ALDH7A1: variants seen among roughly 807,000 people sequenced by gnomAD.
The protein encoded by ALDH7A1 is aldehyde dehydrogenase 7 family member A1.
Under a neutral mutation model 79.9 loss-of-function variants are expected in ALDH7A1, and 63 were observed. The ratio of observed to expected loss-of-function variants is 0.79; its 90% CI spans 0.64 to 0.97. The LOEUF is 0.97. Among genes scored for constraint, ALDH7A1 ranks in the 50% least tolerant of loss-of-function variants. The probability of loss-of-function intolerance (pLI) is 0.00; values close to 1 mark genes in which losing one functional copy is unlikely to be tolerated. For synonymous variants in ALDH7A1, 240 were observed against 231.2 expected, an observed-to-expected ratio of 1.04 and a Z score of -0.34; for missense variants, 627 against 665.2, an observed-to-expected ratio of 0.94 and a Z score of 0.63.
chr5:126,583,262 C>T (rs1446314768), intron 4 of ALDH7A1, among the ~76,000 whole-genome samples: 1 of 151,956 alleles, frequency 6.6e-6, no homozygotes, highest in African/African-American at 2.4e-5. Flanking sequence ...GGGCGGATCA[C>T]CTGAGGTCAG....
At chr5:126,578,639 A>AAAAG (rs1751063222) in intron 5 of ALDH7A1, among the ~76,000 whole-genome samples, 1 of 68,698 alleles carries the variant, frequency 1.5e-5, no homozygotes, top group African/African-American at 1.4e-4. Flanking sequence ...ACCCTGTATC[A>AAAAG]AAAAAAAAAA....
chr5:126,583,072 T>C (rs1487702829), intron 4 of ALDH7A1, 98 bp from the exon 5 acceptor site: 24 of 1,414,128 alleles, frequency 1.7e-5, no homozygotes, highest in Non-Finnish European at 2.3e-5. Context: ...TTTGTAAATG[T>C]AATAAACTGA....
intron 9 of ALDH7A1, among the ~76,000 whole-genome samples, chr5:126,562,803 G>T (rs1183362127): frequency 6.6e-6 from 1 of 152,122 alleles, no homozygotes; most frequent in Non-Finnish European, 1.5e-5. Flanking sequence ...AACTGAGATT[G>T]CACCACTGCA....
chr5:126,585,941 T>A (rs1751346793), intron 3 of ALDH7A1, among the ~76,000 whole-genome samples: 1 of 152,182 alleles, frequency 6.6e-6, no homozygotes, highest in African/African-American at 2.4e-5. Flanking sequence ...TTCATTGCAG[T>A]GCTGTTTCTA....
In ALDH7A1 at chr5:126,556,025, A is replaced by G. The variant is rs2112762955; in HGVS notation, c.1009-10T>C. On this transcript the variant is annotated splice_polypyrimidine_tract_variant and intron_variant, in intron 11 of 17. Coordinates refer to ENST00000409134, the MANE Select transcript of ALDH7A1 (RefSeq NM_001182.5). The stretch of plus-strand genomic sequence containing the variant: ...TGCTTTCATGTATAAACTAAACGAA[A>G]AAAGATATTCAAGGGCATAGTATGA... The G allele has an allele frequency of 6.3e-7, 1 of 1,599,182 alleles. No homozygotes were observed.
At chr5:126,564,454 A>G (rs1202939280) in intron 9 of ALDH7A1, 1 of 1,058,030 alleles carries the variant, frequency 9.5e-7, no homozygotes, top group East Asian at 3.3e-5. Flanking sequence ...AGCCTTAGAC[A>G]TACATTTATT....
chr5:126,561,972 A>G (rs1750417840), intron 9 of ALDH7A1: 1 of 152,208 alleles, frequency 6.6e-6, no homozygotes, highest in South Asian at 2.1e-4. Context: ...TGTCTCAAGT[A>G]AGTAAATAAA....
intron 3 of ALDH7A1, 64 bp from the exon 4 acceptor site, chr5:126,584,076 T>C: frequency 2.3e-6 from 3 of 1,296,504 alleles, no homozygotes; most frequent in East Asian, 4.6e-5. Flanking sequence ...TAACACAGTA[T>C]TGGATGTGTG....
In ALDH7A1 at chr5:126,544,103, G is replaced by C. The variant is rs1226949908; in HGVS notation, c.*862C>G. On this transcript the variant is annotated 3_prime_UTR_variant, in exon 18 of 18. Transcript: ENST00000409134. ...CTCCCTAATAGCTGGGATTACAGGT[G>C]CCTGCCACCACACTGGGCTAATTTT... The C allele has an allele frequency of 6.6e-6, 1 of 151,922 alleles. No homozygotes were observed. Among genetic ancestry groups the C allele is most frequent in the African/African-American group, 2.4e-5 (1 of 41,314 alleles). The allele number at this position is 151,922 out of a possible 1,614,324, so 9.4% of individuals were successfully genotyped here. A position where few individuals can be genotyped will look rare whatever the true frequency, so the allele number is the denominator to read the frequency against.
At chr5:126,594,449 T>TC in intron 1 of ALDH7A1, 1 of 297,368 alleles carries the variant, frequency 3.4e-6, no homozygotes, top group Non-Finnish European at 6.7e-6. Context: ...TTTTTTTTTT[T>TC]TTTTTTTTTT....
chr5:126,561,175 C>T (rs368176887), intron 9 of ALDH7A1, 51 bp from the exon 10 acceptor site: 3 of 1,403,940 alleles, frequency 2.1e-6, no homozygotes, highest in Non-Finnish European at 3.0e-6. Flanking sequence ...TCCATATTTA[C>T]TGCACACTGC....
chr5:126,588,550 T>C (rs1033321470), intron 3 of ALDH7A1: 11 of 151,990 alleles, frequency 7.2e-5, no homozygotes, highest in African/African-American at 2.7e-4. Flanking sequence ...ATGTTTGTAT[T>C]TACCCTAGAT....
In ALDH7A1 at chr5:126,595,005, A is replaced by T; in HGVS notation, c.192+2T>A. 6.3e-7 allele frequency: 1 copy of T among 1,594,894 alleles called. No individual in the cohort carries two copies. The highest frequency in any genetic ancestry group is 8.5e-7 in the Non-Finnish European group (1 of 1,171,822). On this transcript the variant is annotated splice_donor_variant, in intron 1 of 17. Transcript: ENST00000409134. LOFTEE classifies it high-confidence loss of function. Reference sequence around the variant, plus strand: ...GCAGAGATTTCTTGAGCGCCCGCGTACCTCTCCCCGGCCTCCCCAGCTTCC... The same window carrying T: ...GCAGAGATTTCTTGAGCGCCCGCGTTCCTCTCCCCGGCCTCCCCAGCTTCC...
intron 1 of ALDH7A1, chr5:126,594,068 A>C (rs967540721): frequency 2.7e-6 from 1 of 371,002 alleles, no homozygotes; most frequent in Admixed American, 3.5e-5. Context: ...CCTATAAAAA[A>C]CTTTCTTTTA....
chr5:126,556,849 C>T (rs1266331944), intron 11 of ALDH7A1, among the ~76,000 whole-genome samples: 3 of 152,134 alleles, frequency 2.0e-5, no homozygotes, highest in Non-Finnish European at 4.4e-5. Context: ...GGTTAGTCTC[C>T]ACATGTGATG....
Position 126,552,154 on chromosome 5 carries a change from A to T in ALDH7A1, c.1201-17T>A. ...ATCCATAACCTAATGCAGAGAAATGAAATAAAAAGAATGAAAGCATTTTGT... is the reference window on the plus strand; with the variant it reads ...ATCCATAACCTAATGCAGAGAAATGTAATAAAAAGAATGAAAGCATTTTGT... On this transcript the variant is annotated splice_polypyrimidine_tract_variant and intron_variant, in intron 13 of 17. Coordinates refer to ENST00000409134, the MANE Select transcript of ALDH7A1 (RefSeq NM_001182.5). The T allele has an allele frequency of 6.3e-7, 1 of 1,598,364 alleles. No individual in the cohort carries two copies. The highest frequency in any genetic ancestry group is 8.6e-7 in the Non-Finnish European group (1 of 1,165,802).
chr5:126,546,262 G>C, intron 17 of ALDH7A1, 62 bp downstream of exon 17: 14 of 1,440,524 alleles, frequency 9.7e-6, no homozygotes, highest in South Asian at 2.3e-5. Context: ...CAGTAGGAAA[G>C]TGTAAAAGCC....
chr5:126,590,321 T>G (rs1178283920), intron 3 of ALDH7A1, among the ~76,000 whole-genome samples: 1 of 152,252 alleles, frequency 6.6e-6, no homozygotes, highest in East Asian at 1.9e-4. Context: ...TGTGTGATCT[T>G]TTCTGTCTTC....
intron 17 of ALDH7A1, 80 bp downstream of exon 17, chr5:126,546,244 A>G: frequency 7.9e-7 from 1 of 1,261,954 alleles, no homozygotes; most frequent in Non-Finnish European, 1.2e-6. Flanking sequence ...GCACAAAGAC[A>G]GCACAGACAG....
Sources: gnomAD v4.1 joint callset for allele counts (sites outside exome capture counted in the v4.1 genomes callset) on GRCh38, gnomAD v4.1.1 for gene constraint, MANE v1.5 for transcripts, NCBI Gene and HGNC (gene_info 2026-07-23, HGNC 2026-07-21) for gene names.